The following MAST4 variants were observed in gnomAD, a reference collection of about 807,000 sequenced individuals.
The protein encoded by MAST4 is microtubule associated serine/threonine kinase family member 4.
In MAST4, 89 loss-of-function variants were observed where a neutral mutation model predicts 162.7. That is an observed-to-expected ratio of 0.55 (90% CI 0.46 to 0.65). The LOEUF (loss-of-function observed/expected upper bound fraction) is 0.65. Ranked by LOEUF, MAST4 falls within the 30% of genes least tolerant of loss-of-function variation. The pLI is 0.00. For synonymous variants in MAST4, 1,479 were observed against 1,361.1 expected, an observed-to-expected ratio of 1.09 and a Z score of -1.91; for missense variants, 3,153 against 3,374.0, an observed-to-expected ratio of 0.93 and a Z score of 1.62.
At chr5:66,874,209 C>T (rs1761136182) in intron 3 of MAST4, among the ~76,000 whole-genome samples, 1 of 152,004 alleles carries the variant, frequency 6.6e-6, no homozygotes, top group South Asian at 2.1e-4. Flanking sequence ...AGTATGAGCT[C>T]CGTAATACAG....
intron 3 of MAST4, among the ~76,000 whole-genome samples, chr5:66,816,059 A>G (rs1487413149): frequency 1.3e-5 from 2 of 152,340 alleles, no homozygotes; most frequent in East Asian, 3.9e-4. Flanking sequence ...AGGAAGATTG[A>G]GGAAAAGTGC....
intron 1 of MAST4, among the ~76,000 whole-genome samples, chr5:66,730,532 A>G (rs1461084933): frequency 6.6e-6 from 1 of 152,156 alleles, no homozygotes; most frequent in African/African-American, 2.4e-5. Context: ...GCTCATTATA[A>G]GGGCATTTGA....
intron 4 of MAST4, among the ~76,000 whole-genome samples, chr5:67,048,970 C>CAT (rs367955442): frequency 0.043 from 5,014 of 117,726 alleles, 377 homozygotes; most frequent in African/African-American, 0.15. Flanking sequence ...ATACATATAG[C>CAT]ATATATATAT....
Position 67,166,549 on chromosome 5 carries a change from A to G in MAST4, c.7370A>G (p.Lys2457Arg), listed in dbSNP as rs749714545. Residue 2457 changes from lysine (K) to arginine (R), a missense_variant, in exon 29 of 29, where the codon AAG becomes AGG. Physicochemically the swap from Lys to Arg is conservative, Grantham distance 26. Coordinates refer to ENST00000403625, the MANE Select transcript of MAST4 (RefSeq NM_001164664.2). The part of the protein sequence containing the change: ...SSFRSTALPE[K>R]SLSCSSSFPE... Reference sequence around the variant, plus strand: ...TTCCGATCCACGGCCCTCCCGGAAAAGTCTCTGAGCTGCTCCTCCAGCTTC... The same window carrying G: ...TTCCGATCCACGGCCCTCCCGGAAAGGTCTCTGAGCTGCTCCTCCAGCTTC... The G allele has an allele frequency of 1.2e-6, 2 of 1,607,524 alleles. No individual in the cohort carries two copies. Among genetic ancestry groups the G allele is most frequent in the South Asian group, 2.2e-5 (2 of 89,606 alleles).
intron 3 of MAST4, among the ~76,000 whole-genome samples, chr5:66,832,088 G>T (rs1003835711): frequency 1.1e-4 from 17 of 152,134 alleles, no homozygotes; most frequent in African/African-American, 4.1e-4. Context: ...GCATCGTAAG[G>T]CAGGCATGAC....
At chr5:66,908,403 G>T (rs919519432) in intron 4 of MAST4, among the ~76,000 whole-genome samples, 1 of 152,152 alleles carries the variant, frequency 6.6e-6, no homozygotes, top group Non-Finnish European at 1.5e-5. Flanking sequence ...ACACCCTTGG[G>T]AATGCAAATC....
intron 16 of MAST4, among the ~76,000 whole-genome samples, chr5:67,133,054 A>G (rs1186530967): frequency 6.6e-6 from 1 of 152,164 alleles, no homozygotes; most frequent in African/African-American, 2.4e-5. Context: ...CTTAATGAGT[A>G]GAAATTTAAA....
chr5:66,961,235 T>G (rs1745970176), intron 4 of MAST4, among the ~76,000 whole-genome samples: 1 of 152,360 alleles, frequency 6.6e-6, no homozygotes, highest in Non-Finnish European at 1.5e-5. Flanking sequence ...TAATGGAAAG[T>G]CTTATCACAG....
At chr5:66,697,531 A>C (rs1187598391) in intron 1 of MAST4, among the ~76,000 whole-genome samples, 1 of 152,180 alleles carries the variant, frequency 6.6e-6, no homozygotes, top group African/African-American at 2.4e-5. Flanking sequence ...TACTTTTTGC[A>C]ACCACATGTG....
intron 1 of MAST4, among the ~76,000 whole-genome samples, chr5:66,749,533 C>T (rs1276881992): frequency 6.6e-6 from 1 of 152,194 alleles, no homozygotes; most frequent in African/African-American, 2.4e-5. Flanking sequence ...GTTTAATTTC[C>T]TTGTGAACCA....
At chr5:66,788,447 A>G (rs1755218394) in intron 2 of MAST4, among the ~76,000 whole-genome samples, 1 of 152,154 alleles carries the variant, frequency 6.6e-6, no homozygotes, top group Non-Finnish European at 1.5e-5. Flanking sequence ...GGCTACACTC[A>G]TGCAGGAGAT....
intron 4 of MAST4, among the ~76,000 whole-genome samples, chr5:67,033,345 G>GTGTGT (rs55919358): frequency 5.7e-5 from 7 of 123,596 alleles, no homozygotes; most frequent in South Asian, 2.7e-4. Context: ...GTGTGTGTGT[G>GTGTGT]GCTTTTTTTT....
chr5:66,941,114 T>C (rs972373253), intron 4 of MAST4, among the ~76,000 whole-genome samples: 7 of 152,134 alleles, frequency 4.6e-5, no homozygotes, highest in African/African-American at 1.7e-4. Context: ...TGTTGCTCTA[T>C]GTATGGAGCA....
At chr5:66,601,150 G>A (rs1031441956) in intron 1 of MAST4, among the ~76,000 whole-genome samples, 4 of 152,158 alleles carry the variant, frequency 2.6e-5, no homozygotes, top group Non-Finnish European at 5.9e-5. Context: ...GACATTAATA[G>A]CAAAAAGCAA....
rs1325910810 is a variant in MAST4 at position 66,597,054 on chromosome 5, G to A, written c.363+36G>A. On this transcript the variant is annotated intron_variant, in intron 1 of 28. Coordinates refer to ENST00000403625, the MANE Select transcript of MAST4 (RefSeq NM_001164664.2). ...CCCCAGCTTGCCCACTCTGGGTTCC[G>A]GCAGCCGGGCGACCGTAGTTTCCCA... is the stretch of plus-strand genomic sequence containing the variant. 8 of 1,383,488 alleles carry A rather than the reference G, an allele frequency of 5.8e-6. No homozygotes were observed. In the South Asian group the frequency reaches 1.2e-4, roughly 20 times the overall value. The allele number at this position is 1,383,488 out of a possible 1,614,324, so 85.7% of individuals were successfully genotyped here.
At chr5:67,049,071 A>ACG (rs1757846234) in intron 4 of MAST4, among the ~76,000 whole-genome samples, 1 of 143,400 alleles carries the variant, frequency 7.0e-6, no homozygotes, top group African/African-American at 2.6e-5. Context: ...GTATATATAT[A>ACG]TATATATACA....
At chr5:66,696,725 A>G (rs986984176) in intron 1 of MAST4, among the ~76,000 whole-genome samples, 2 of 149,260 alleles carry the variant, frequency 1.3e-5, no homozygotes, top group African/African-American at 5.0e-5. Context: ...TGTTTTTATA[A>G]TAATACCGAG....
chr5:67,157,177 G>C (rs1366570835), intron 26 of MAST4, among the ~76,000 whole-genome samples: 1 of 152,178 alleles, frequency 6.6e-6, no homozygotes, highest in Non-Finnish European at 1.5e-5. Context: ...CAGGTGGCAG[G>C]CTTCACAAAT....
At position 66,609,152 on chromosome 5, in the gene MAST4, G is replaced by A. The variant is rs193040001; in HGVS notation, c.363+12134G>A. Among the ~76,000 whole-genome samples the A allele has an allele frequency of 1.4e-4, 21 of 151,558 alleles. No homozygotes were observed. The East Asian group carries it at 3.1e-3, about 22-fold the overall frequency. On this transcript the variant is annotated intron_variant, in intron 1 of 28. Transcript: ENST00000403625. ...GGGTTTGGATTTTTCCTGCTGCCTG[G>A]GATGATTTTCCTTTGGCCACGTGTC...
Sources: allele counts gnomAD v4.1 joint callset (sites outside exome capture counted in the v4.1 genomes callset), GRCh38; gene constraint gnomAD v4.1.1; transcripts MANE v1.5; gene names NCBI Gene and HGNC (gene_info 2026-07-23, HGNC 2026-07-21).